The following CACNA2D3 variants were observed in gnomAD, a reference collection of about 807,000 sequenced individuals.
CACNA2D3 encodes voltage-dependent calcium channel subunit alpha-2/delta-3.
In CACNA2D3, 60 loss-of-function variants were observed where a neutral mutation model predicts 160.6. That is an observed-to-expected ratio of 0.37 (90% CI 0.30 to 0.46). The LOEUF (loss-of-function observed/expected upper bound fraction) is 0.46, where lower values mean the gene tolerates loss of function less well. Ranked by LOEUF, CACNA2D3 falls within the 20% of genes least tolerant of loss-of-function variation. The pLI is 1.00. For synonymous variants in CACNA2D3, 558 were observed against 492.9 expected (o/e 1.13, Z -1.75); for missense variants, 1,205 against 1,365.0 (o/e 0.88, Z 1.85).
In CACNA2D3 at chr3:54,228,993, T is replaced by G. The variant is rs9825242; in HGVS notation, c.205-91449T>G. 7.3e-3 allele frequency among the ~76,000 whole-genome samples: 1,107 copies of G among 152,100 alleles called. 9 individuals carry two copies. The highest frequency in any genetic ancestry group is 0.026 in the African/African-American group (1,067 of 41,488). ...AGGGCGCTGGGTATCTCCCGTGGAG[T>G]CAGAGCTTCCTTTGTGCTGTATGGA... On this transcript the variant is annotated intron_variant, in intron 2 of 37. Transcript: ENST00000474759.
chr3:54,398,180 C>G (rs1019863759), intron 4 of CACNA2D3, among the ~76,000 whole-genome samples: 26 of 132,468 alleles, frequency 2.0e-4, no homozygotes, highest in Non-Finnish European at 3.0e-4. Flanking sequence ...GTAGATCTTC[C>G]TCCATCCTTT....
intron 2 of CACNA2D3, among the ~76,000 whole-genome samples, chr3:54,284,078 A>G (rs1047506784): frequency 5.9e-5 from 9 of 152,146 alleles, no homozygotes; most frequent in Admixed American, 2.6e-4. Flanking sequence ...CAAAAAACAA[A>G]AACAAAACAA....
At position 54,458,327 on chromosome 3, in the gene CACNA2D3, T is replaced by A. The variant is rs1700436092; in HGVS notation, c.382-45165T>A. ...ATTTCACTTCAATGTGTAGCACTCC[T>A]GTAAGCATTGCTTTGTAAGATTGAT... On this transcript the variant is annotated intron_variant, in intron 4 of 37. Transcript: ENST00000474759. Among the ~76,000 whole-genome samples the A allele has an allele frequency of 2.0e-5, 3 of 152,178 alleles. No individual in the cohort carries two copies. The South Asian group carries it at 6.2e-4, about 31-fold the overall frequency.
intron 11 of CACNA2D3, among the ~76,000 whole-genome samples, chr3:54,728,326 A>G (rs1418022646): frequency 6.6e-6 from 1 of 152,072 alleles, no homozygotes; most frequent in African/African-American, 2.4e-5. Flanking sequence ...TCTCCAGTTC[A>G]TTAATCTTCT....
chr3:54,173,676 G>C (rs1282762492), intron 2 of CACNA2D3, among the ~76,000 whole-genome samples: 1 of 152,210 alleles, frequency 6.6e-6, no homozygotes, highest in African/African-American at 2.4e-5. Context: ...GCAAAGCACA[G>C]GTACGTCTAA....
chr3:54,412,965 T>G (rs2106731674), intron 4 of CACNA2D3, among the ~76,000 whole-genome samples: 1 of 152,014 alleles, frequency 6.6e-6, no homozygotes, highest in South Asian at 2.1e-4. Flanking sequence ...TACCTACATA[T>G]TTACCATTTC....
At chr3:54,356,646 A>C (rs1027970390) in intron 3 of CACNA2D3, among the ~76,000 whole-genome samples, 2 of 152,204 alleles carry the variant, frequency 1.3e-5, no homozygotes, top group Non-Finnish European at 2.9e-5. Flanking sequence ...TGGTGCCCTT[A>C]AAATACAAGG....
intron 16 of CACNA2D3, among the ~76,000 whole-genome samples, chr3:54,841,173 A>G (rs2106764860): frequency 6.6e-6 from 1 of 152,376 alleles, no homozygotes; most frequent in Admixed American, 6.5e-5. Context: ...GGTGTCATCC[A>G]AAGTACTTTA....
chr3:54,265,398 A>G (rs528813343), intron 2 of CACNA2D3, among the ~76,000 whole-genome samples: 1 of 151,854 alleles, frequency 6.6e-6, no homozygotes, highest in Non-Finnish European at 1.5e-5. Context: ...GGGTTGGGGG[A>G]TAGGGGAGGG....
intron 2 of CACNA2D3, among the ~76,000 whole-genome samples, chr3:54,145,545 T>G (rs573992933): frequency 6.6e-6 from 1 of 152,252 alleles, no homozygotes; most frequent in Non-Finnish European, 1.5e-5. Context: ...GGTTTCTGAA[T>G]GACAGGCTTG....
intron 4 of CACNA2D3, among the ~76,000 whole-genome samples, chr3:54,458,822 G>A (rs971681874): frequency 6.6e-6 from 1 of 151,788 alleles, no homozygotes; most frequent in Admixed American, 6.6e-5. Context: ...TGCACAATGT[G>A]CAGGTTAGTT....
At chr3:54,491,805 G>T (rs943765243) in intron 4 of CACNA2D3, among the ~76,000 whole-genome samples, 4 of 152,164 alleles carry the variant, frequency 2.6e-5, no homozygotes, top group Non-Finnish European at 5.9e-5. Context: ...TTACTATCTG[G>T]ATAGTTCTTT....
At chr3:54,449,351 C>T (rs564725296) in intron 4 of CACNA2D3, among the ~76,000 whole-genome samples, 1 of 152,316 alleles carries the variant, frequency 6.6e-6, no homozygotes, top group African/African-American at 2.4e-5. Flanking sequence ...TAGGGCAAGA[C>T]AAGTTTACTC....
chr3:54,666,404 C>T (rs545094065), intron 11 of CACNA2D3, among the ~76,000 whole-genome samples: 1 of 152,320 alleles, frequency 6.6e-6, no homozygotes, highest in African/African-American at 2.4e-5. Context: ...TTTCTCTTAG[C>T]AGTAGATTGT....
chr3:54,403,258 G>A (rs1320126469), intron 4 of CACNA2D3, among the ~76,000 whole-genome samples: 1 of 151,916 alleles, frequency 6.6e-6, no homozygotes, highest in African/African-American at 2.4e-5. Flanking sequence ...AGGAGGCTGA[G>A]GTGGAAGGGT....
chr3:54,569,641 G>A (rs1229362598), intron 6 of CACNA2D3, among the ~76,000 whole-genome samples, 154 bp from the exon 7 acceptor site: 1 of 152,218 alleles, frequency 6.6e-6, no homozygotes, highest in Non-Finnish European at 1.5e-5. Context: ...CTCCTTCCTG[G>A]ATTTGGCGAT....
intron 2 of CACNA2D3, among the ~76,000 whole-genome samples, chr3:54,157,676 C>T (rs373381326): frequency 5.3e-5 from 8 of 151,986 alleles, no homozygotes; most frequent in South Asian, 4.2e-4. Context: ...CTGTAATCCT[C>T]GTTACTTGGG....
intron 2 of CACNA2D3, among the ~76,000 whole-genome samples, chr3:54,288,708 A>C (rs557122811): frequency 4.3e-4 from 65 of 152,290 alleles, no homozygotes; most frequent in South Asian, 8.3e-4. Flanking sequence ...GCAGCACATC[A>C]AAAAGCTTAT....
chr3:54,141,789 A>T (rs1699940624), intron 2 of CACNA2D3, among the ~76,000 whole-genome samples: 1 of 152,224 alleles, frequency 6.6e-6, no homozygotes. Flanking sequence ...GCAGAAGCAC[A>T]AGAAAACAAC....
Sources: gnomAD v4.1 joint callset for allele counts (sites outside exome capture counted in the v4.1 genomes callset) on GRCh38, gnomAD v4.1.1 for gene constraint, MANE v1.5 for transcripts, NCBI Gene and HGNC (gene_info 2026-07-23, HGNC 2026-07-21) for gene names.